Variants in SND1 observed in about 807,000 individuals in gnomAD.
SND1 encodes staphylococcal nuclease domain-containing protein 1.
In SND1, 38 loss-of-function variants were observed where a neutral mutation model predicts 121.7. The ratio of observed to expected loss-of-function variants is 0.31; its 90% CI spans 0.24 to 0.41. The LOEUF (loss-of-function observed/expected upper bound fraction) is 0.41. Among genes scored for constraint, SND1 ranks in the 10% least tolerant of loss-of-function variants. The probability of loss-of-function intolerance (pLI) is 1.00; values close to 1 mark genes in which losing one functional copy is unlikely to be tolerated. For missense variants in SND1, 868 were observed against 1,184.6 expected (o/e 0.73, Z 3.92); for synonymous variants, 401 against 447.4 (o/e 0.90, Z 1.31).
chr7:127,692,196 TCTGGTCA>T (rs1795932125), intron 2 of SND1, among the ~76,000 whole-genome samples: 10 of 152,164 alleles, frequency 6.6e-5, no homozygotes, highest in Admixed American at 2.6e-4. Flanking sequence ...TAAGAGTCTA[TCTGGTCA>T]AAGAGAAGAT....
At chr7:127,697,580 A>G (rs746708884) in intron 3 of SND1, among the ~76,000 whole-genome samples, 9 of 152,146 alleles carry the variant, frequency 5.9e-5, no homozygotes, top group African/African-American at 9.7e-5. Context: ...GGAAGAACCA[A>G]TGCAAAATTT....
intron 16 of SND1, among the ~76,000 whole-genome samples, chr7:128,049,090 T>C (rs1011918563): frequency 2.0e-5 from 3 of 152,170 alleles, no homozygotes; most frequent in African/African-American, 4.8e-5. Context: ...CCCTTCAAGG[T>C]CTGCTCCTTT....
intron 9 of SND1, chr7:127,718,799 T>C (rs1449033667): frequency 2.5e-5 from 23 of 923,892 alleles, no homozygotes; most frequent in Non-Finnish European, 6.5e-6. Flanking sequence ...TATTACTCTC[T>C]AAGCATGACT....
intron 11 of SND1, among the ~76,000 whole-genome samples, chr7:127,821,976 G>A (rs1798557255): frequency 6.6e-6 from 1 of 151,958 alleles, no homozygotes; most frequent in African/African-American, 2.4e-5. Flanking sequence ...TTTATTTATG[G>A]GGAAATCAAT....
At chr7:128,016,680 C>T (rs1460152091) in intron 16 of SND1, among the ~76,000 whole-genome samples, 4 of 152,232 alleles carry the variant, frequency 2.6e-5, no homozygotes, top group African/African-American at 4.8e-5. Context: ...GAACCTTTTT[C>T]TTTCTCTAAA....
At chr7:127,719,032 G>A (rs1156278658) in intron 9 of SND1, among the ~76,000 whole-genome samples, 1 of 152,046 alleles carries the variant, frequency 6.6e-6, no homozygotes. Context: ...GTATTGATTT[G>A]CTATAGTAGC....
chr7:128,091,109 A>G (rs1222273135), intron 22 of SND1, among the ~76,000 whole-genome samples: 1 of 152,250 alleles, frequency 6.6e-6, no homozygotes, highest in Non-Finnish European at 1.5e-5. Context: ...GACAACAATT[A>G]CAATGAACAT....
At chr7:128,078,494 C>T (rs1447862041) in intron 17 of SND1, among the ~76,000 whole-genome samples, 76 of 152,358 alleles carry the variant, frequency 5.0e-4, no homozygotes, top group Non-Finnish European at 1.3e-4. Flanking sequence ...TGCACCACCC[C>T]ACCCACCACG....
intron 20 of SND1, 103 bp from the exon 21 acceptor site, chr7:128,086,835 C>T (rs764601833): frequency 4.3e-6 from 4 of 926,766 alleles, no homozygotes; most frequent in Non-Finnish European, 7.0e-6. Flanking sequence ...AACAGGGTGG[C>T]CCAGAGTTAG....
chr7:127,721,295 G>T lies in SND1; in HGVS notation c.1047G>T (p.Gln349His). The T allele has an allele frequency of 6.2e-7, 1 of 1,613,370 alleles. No individual in the cohort carries two copies. The highest frequency in any genetic ancestry group is 1.1e-5 in the South Asian group (1 of 91,070). ...TTCCTTTTTGCTCACAGGTGATGCAGGTTCTGAATGCTGATGCCATTGTTG... is the reference window on the plus strand; with the variant it reads ...TTCCTTTTTGCTCACAGGTGATGCATGTTCTGAATGCTGATGCCATTGTTG... Reference protein sequence around the residue: ...KDKQFVAKVMQVLNADAIVVK... With the variant: ...KDKQFVAKVMHVLNADAIVVK... Residue 349 changes from glutamine (Q) to histidine (H), a missense_variant, in exon 10 of 24, where the codon CAG becomes CAT. Transcript: ENST00000354725.
At chr7:127,748,407 T>C (rs139755823) in intron 10 of SND1, among the ~76,000 whole-genome samples, 98 of 152,284 alleles carry the variant, frequency 6.4e-4, no homozygotes, top group Middle Eastern at 3.4e-3. Context: ...ATGCTGGTAG[T>C]TGTGTGTCTG....
chr7:127,718,035 C>T (rs1796420413), intron 9 of SND1, among the ~76,000 whole-genome samples: 1 of 152,138 alleles, frequency 6.6e-6, no homozygotes, highest in African/African-American at 2.4e-5. Context: ...TATCATTAAA[C>T]CATTTTTTCC....
intron 11 of SND1, among the ~76,000 whole-genome samples, chr7:127,833,640 G>A (rs752742905): frequency 1.3e-5 from 2 of 152,060 alleles, no homozygotes; most frequent in Admixed American, 6.5e-5. Flanking sequence ...CGCTCCTGCC[G>A]CTGTTATTTA....
intron 5 of SND1, 101 bp downstream of exon 5, chr7:127,701,424 A>G (rs886405518): frequency 1.7e-5 from 21 of 1,223,378 alleles, no homozygotes; most frequent in South Asian, 3.1e-5. Context: ...CCTTTCTTAT[A>G]CTTATTTAGT....
intron 12 of SND1, among the ~76,000 whole-genome samples, chr7:127,847,819 A>G (rs1234432229): frequency 6.6e-6 from 1 of 152,250 alleles, no homozygotes; most frequent in Non-Finnish European, 1.5e-5. Flanking sequence ...TCAACTGGCA[A>G]GGAGACAGGA....
In SND1 at chr7:128,081,445, T is replaced by C; in HGVS notation, c.2054T>C (p.Val685Ala). Residue 685 changes from valine to alanine, a missense_variant, in exon 18 of 24, where the codon GTG (valine) becomes GCG (alanine). By Grantham distance (64) the Val-to-Ala change is moderately conservative (BLOSUM62 0). This residue lies in a region of SND1 where 743 missense variants were observed against 1,071.3 expected (regional missense o/e 0.69). Transcript: ENST00000354725. Reference protein sequence around the residue: ...EKERSASYKPVFVTEITDDLH... With the variant: ...EKERSASYKPAFVTEITDDLH... ...GAGCGATCTGCTAGCTACAAGCCCG[T>C]GTTTGTGACTGAGATCACTGATGAC... 1 of 1,614,134 alleles carries C rather than the reference T, an allele frequency of 6.2e-7. No individual in the cohort carries two copies. The highest frequency in any genetic ancestry group is 8.5e-7 in the Non-Finnish European group (1 of 1,180,010).
At chr7:127,763,133 T>C in intron 10 of SND1, among the ~76,000 whole-genome samples, 1 of 152,208 alleles carries the variant, frequency 6.6e-6, no homozygotes, top group African/African-American at 2.4e-5. Context: ...CATAGAAATA[T>C]GTAATGCTGT....
At chr7:127,754,682 C>A (rs1797162341) in intron 10 of SND1, among the ~76,000 whole-genome samples, 1 of 152,182 alleles carries the variant, frequency 6.6e-6, no homozygotes, top group African/African-American at 2.4e-5. Context: ...ACTACATGGC[C>A]AAGACCAGCA....
intron 15 of SND1, among the ~76,000 whole-genome samples, chr7:127,953,495 A>G (rs889867747): frequency 1.3e-5 from 2 of 152,050 alleles, no homozygotes; most frequent in Non-Finnish European, 2.9e-5. Context: ...AAGGAGGGCA[A>G]ATATGAAGTA....
Sources: gnomAD v4.1 joint callset for allele counts (sites outside exome capture counted in the v4.1 genomes callset) on GRCh38, gnomAD v4.1.1 for gene constraint, gnomAD v4.1.1 regional missense constraint, MANE v1.5 for transcripts, NCBI Gene and HGNC (gene_info 2026-07-23, HGNC 2026-07-21) for gene names.